PRKCB: variants seen among roughly 807,000 people sequenced by gnomAD.
The protein encoded by PRKCB is protein kinase C beta type.
PRKCB carries 13 observed loss-of-function variants against 81.5 expected under a neutral mutation model. The observed-to-expected ratio is 0.16, with a 90% confidence interval of 0.10 to 0.25. PRKCB has a LOEUF of 0.25. Among genes scored for constraint, PRKCB ranks in the 10% least tolerant of loss-of-function variants. The pLI is 1.00. For synonymous variants in PRKCB, 335 were observed against 321.4 expected (o/e 1.04, Z -0.45); for missense variants, 509 against 875.7 (o/e 0.58, Z 5.29).
At position 23,950,823 on chromosome 16, in the gene PRKCB, A is replaced by G. The variant is rs757850810; in HGVS notation, c.206-37685A>G. ...CTGATCTGTTTCCTCCTTATTTTCC[A>G]TAGTGAATAATCACACATAAGCCTT... On this transcript the variant is annotated intron_variant, in intron 2 of 16. Transcript: ENST00000643927. Among the ~76,000 whole-genome samples the G allele has an allele frequency of 3.3e-5, 5 of 152,256 alleles. 1 individual carries two copies. The South Asian group carries it at 6.2e-4, about 19-fold the overall frequency.
At chr16:24,006,949 C>T (rs1220900810) in intron 3 of PRKCB, among the ~76,000 whole-genome samples, 3 of 152,138 alleles carry the variant, frequency 2.0e-5, no homozygotes, top group Admixed American at 6.5e-5. Context: ...ACAGGCTTCA[C>T]CTGAAGAGAT....
chr16:23,916,672 C>T (rs888573881), intron 2 of PRKCB, among the ~76,000 whole-genome samples: 9 of 152,282 alleles, frequency 5.9e-5, no homozygotes, highest in East Asian at 3.9e-4. Flanking sequence ...TCCTCAAACA[C>T]GTACATTCAA....
At chr16:24,205,508 A>T (rs1968032977) in intron 16 of PRKCB, among the ~76,000 whole-genome samples, 1 of 152,164 alleles carries the variant, frequency 6.6e-6, no homozygotes, top group African/African-American at 2.4e-5. Flanking sequence ...TAGGAGACTG[A>T]TAGAAGAGTC....
chr16:23,990,839 T>C (rs903108231), intron 3 of PRKCB, among the ~76,000 whole-genome samples: 9 of 152,332 alleles, frequency 5.9e-5, no homozygotes, highest in South Asian at 2.1e-4. Flanking sequence ...TGAGTCACTG[T>C]ACCTGACCCT....
At chr16:23,934,353 G>A (rs195988) in intron 2 of PRKCB, among the ~76,000 whole-genome samples, 144,171 of 149,402 alleles carry the variant, frequency 0.96, 69,596 homozygotes, top group East Asian at 1. Flanking sequence ...AAAAGCTCTA[G>A]TTTTCCCTTA....
At position 23,838,661 on chromosome 16, in the gene PRKCB, C is replaced by G. The variant is rs374581113; in HGVS notation, c.205+1255C>G. On this transcript the variant is annotated intron_variant, in intron 2 of 16. Transcript: ENST00000643927. The stretch of plus-strand genomic sequence containing the variant: ...TGACAGTTTTGTGGCTGCACCTCCA[C>G]CCTCCAGGGAAAAGTAAAGTGATCC... Among the ~76,000 whole-genome samples the G allele has an allele frequency of 2.0e-5, 3 of 152,332 alleles. No homozygotes were observed. The East Asian group carries it at 5.8e-4, about 29-fold the overall frequency.
rs139739391 is a variant in PRKCB, at chr16:23,992,723, C to A, written c.288+4133C>A. On this transcript the variant is annotated intron_variant, in intron 3 of 16. Transcript: ENST00000643927. ...TTTCTGAAAATTAAATGCACAACCT[C>A]ATCCTGCAATTGGCTGAATTACAAT... Among the ~76,000 whole-genome samples, 18 of 152,292 alleles carry A rather than the reference C, an allele frequency of 1.2e-4. No homozygotes were observed. In the East Asian group the frequency reaches 3.3e-3, roughly 28 times the overall value.
intron 16 of PRKCB, among the ~76,000 whole-genome samples, chr16:24,205,288 A>G (rs903276067): frequency 2.6e-5 from 4 of 151,262 alleles, no homozygotes; most frequent in Non-Finnish European, 5.9e-5. Flanking sequence ...AACAGCTGGG[A>G]CCACAGGCAT....
chr16:23,850,190 A>T (rs1363129708), intron 2 of PRKCB, among the ~76,000 whole-genome samples: 1 of 151,958 alleles, frequency 6.6e-6, no homozygotes, highest in South Asian at 2.1e-4. Context: ...TATTGTGTGT[A>T]TACACCATAC....
At chr16:24,097,203 A>AT (rs1377887001) in intron 7 of PRKCB, among the ~76,000 whole-genome samples, 1 of 150,432 alleles carries the variant, frequency 6.6e-6, no homozygotes. Flanking sequence ...CGCCCAGCTA[A>AT]TTTTTTGTAA....
At chr16:24,018,956 T>C (rs1368836418) in intron 3 of PRKCB, among the ~76,000 whole-genome samples, 1 of 152,166 alleles carries the variant, frequency 6.6e-6, no homozygotes, top group Non-Finnish European at 1.5e-5. Context: ...TTTTGCAAAT[T>C]TTTGGCCTTT....
In PRKCB at chr16:24,032,265, C is replaced by T. The variant is rs929634170; in HGVS notation, c.400+18C>T. 1.9e-6 allele frequency: 3 copies of T among 1,545,980 alleles called. No individual in the cohort carries two copies. The highest frequency in any genetic ancestry group is 1.4e-5 in the African/African-American group (1 of 73,424). On this transcript the variant is annotated intron_variant, in intron 4 of 16. Coordinates refer to ENST00000643927, the MANE Select transcript of PRKCB (RefSeq NM_002738.7). ...ATGTGACAGTAAGTACTTTTTCTCT[C>T]TGGGGGCATCTGCTGATGGCAGAAG...
chr16:24,013,780 G>GT (rs1965237052), intron 3 of PRKCB, among the ~76,000 whole-genome samples: 2 of 44,738 alleles, frequency 4.5e-5, no homozygotes, highest in African/African-American at 1.8e-4. Flanking sequence ...ATGTGGAATT[G>GT]CAAAAAAAAA....
Position 23,925,786 on chromosome 16 carries a change from A to G in PRKCB, c.206-62722A>G, listed in dbSNP as rs547630444. Among the ~76,000 whole-genome samples, 8 of 151,922 alleles carry G rather than the reference A, an allele frequency of 5.3e-5. No individual in the cohort carries two copies. In the South Asian group the frequency reaches 1.5e-3, roughly 28 times the overall value. Reference sequence around the variant, plus strand: ...TTCTTATCCTTCACTCCCCCACCCAACCCTTCCAAGAAGGATGACTATTAC... The same window carrying G: ...TTCTTATCCTTCACTCCCCCACCCAGCCCTTCCAAGAAGGATGACTATTAC... On this transcript the variant is annotated intron_variant, in intron 2 of 16. Transcript: ENST00000643927.
In PRKCB at chr16:24,215,656, A is replaced by G. The variant is rs769525237; in HGVS notation, c.*840A>G. On this transcript the variant is annotated 3_prime_UTR_variant, in exon 17 of 17. Coordinates refer to ENST00000643927, the MANE Select transcript of PRKCB (RefSeq NM_002738.7). ...TTCAAATGCAAAAAAAAGAAAAAAA[A>G]AGAAAAAAAAAGGTGACTCACATTG... The G allele has an allele frequency of 8.3e-5, 81 of 980,622 alleles. No individual in the cohort carries two copies. The highest frequency in any genetic ancestry group is 9.7e-5 in the Non-Finnish European group (80 of 825,170). The allele number at this position is 980,622 out of a possible 1,614,324, so 60.7% of individuals were successfully genotyped here. A position where few individuals can be genotyped will look rare whatever the true frequency, so the allele number is the denominator to read the frequency against.
At chr16:23,909,113 T>A (rs1963612503) in intron 2 of PRKCB, among the ~76,000 whole-genome samples, 1 of 152,244 alleles carries the variant, frequency 6.6e-6, no homozygotes, top group Non-Finnish European at 1.5e-5. Context: ...TGATATCACT[T>A]GCTCTTTTCA....
chr16:24,147,042 C>T (rs867498503), intron 9 of PRKCB, among the ~76,000 whole-genome samples: 3 of 152,274 alleles, frequency 2.0e-5, no homozygotes, highest in South Asian at 4.1e-4. Flanking sequence ...GGCGCGGTGG[C>T]TCATGCCTGT....
In PRKCB at chr16:23,856,734, G is replaced by A. The variant is rs554249374; in HGVS notation, c.205+19328G>A. 6.6e-5 allele frequency among the ~76,000 whole-genome samples: 10 copies of A among 152,132 alleles called. No homozygotes were observed. In the East Asian group the frequency reaches 1.2e-3, roughly 18 times the overall value. Reference sequence around the variant, plus strand: ...GAGATAGGGTCTCCCTATGTTGCTCGGGCTGGTCTCAAACTCCTGAGCTCA... The same window carrying A: ...GAGATAGGGTCTCCCTATGTTGCTCAGGCTGGTCTCAAACTCCTGAGCTCA... On this transcript the variant is annotated intron_variant, in intron 2 of 16. Transcript: ENST00000643927.
At chr16:24,154,252 G>A (rs1455588029) in intron 9 of PRKCB, among the ~76,000 whole-genome samples, 1 of 152,208 alleles carries the variant, frequency 6.6e-6, no homozygotes, top group African/African-American at 2.4e-5. Flanking sequence ...GGAAGCCAGG[G>A]CAGGTGGATT....
Sources: allele counts gnomAD v4.1 joint callset (sites outside exome capture counted in the v4.1 genomes callset), GRCh38; gene constraint gnomAD v4.1.1; transcripts MANE v1.5; gene names NCBI Gene and HGNC (gene_info 2026-07-23, HGNC 2026-07-21).